Variants in CCSER2 observed in about 807,000 individuals in gnomAD.
CCSER2 encodes the protein coiled-coil serine rich protein 2, also known as serine-rich coiled-coil domain-containing protein 2.
CCSER2 carries 46 observed loss-of-function variants against 92.3 expected under a neutral mutation model. The ratio of observed to expected loss-of-function variants is 0.50; its 90% CI spans 0.39 to 0.64. The LOEUF is 0.64. Among genes scored for constraint, CCSER2 ranks in the 30% least tolerant of loss-of-function variants. The pLI is 0.00. For synonymous variants in CCSER2, 433 were observed against 431.4 expected (o/e 1.00, Z -0.04); for missense variants, 1,244 against 1,238.9 (o/e 1.00, Z -0.06).
intron 9 of CCSER2, among the ~76,000 whole-genome samples, chr10:84,503,881 G>A (rs1167305120): frequency 1.3e-5 from 2 of 152,152 alleles, no homozygotes; most frequent in Admixed American, 1.3e-4. Flanking sequence ...ATTATATTAA[G>A]AATGACAAAT....
chr10:84,494,424 T>C (rs1268850118), intron 9 of CCSER2, among the ~76,000 whole-genome samples: 1 of 152,190 alleles, frequency 6.6e-6, no homozygotes, highest in African/African-American at 2.4e-5. Context: ...TGAACTGTTA[T>C]CTTAATGCCA....
chr10:84,513,607 G>T lies in CCSER2; in HGVS notation c.2484G>T (p.Leu828Phe), dbSNP rs771724874. Residue 828 changes from leucine to phenylalanine, a missense_variant, in exon 10 of 10, where the codon TTG (leucine) becomes TTT (phenylalanine). Physicochemically the swap from Leu to Phe is conservative, Grantham distance 22 (BLOSUM62 0). Coordinates refer to ENST00000372088, the MANE Select transcript of CCSER2 (RefSeq NM_001284240.2). Reference sequence around the variant, plus strand: ...CGGAAGAAAGCTTTACACACGTCTTGCACCAAGAAAGCAACTATGGTTTGG... The same window carrying T: ...CGGAAGAAAGCTTTACACACGTCTTTCACCAAGAAAGCAACTATGGTTTGG... ...AHPEESFTHV[L>F]HQESNYGLEE... The T allele has an allele frequency of 5.6e-6, 9 of 1,612,114 alleles. No individual in the cohort carries two copies. The highest frequency in any genetic ancestry group is 7.6e-6 in the Non-Finnish European group (9 of 1,179,398).
intron 3 of CCSER2, among the ~76,000 whole-genome samples, chr10:84,404,961 G>C (rs1019652671): frequency 6.6e-6 from 1 of 152,170 alleles, no homozygotes; most frequent in African/African-American, 2.4e-5. Context: ...TCAGTGTAGT[G>C]AAGACATCAC....
At chr10:84,358,661 C>CATAT (rs1180094564) in intron 1 of CCSER2, among the ~76,000 whole-genome samples, 13 of 146,124 alleles carry the variant, frequency 8.9e-5, no homozygotes, top group Admixed American at 3.5e-4. Context: ...TATATATATA[C>CATAT]ATATACATAT....
At chr10:84,466,649 C>T (rs1340566898) in intron 7 of CCSER2, among the ~76,000 whole-genome samples, 11 of 151,114 alleles carry the variant, frequency 7.3e-5, no homozygotes, top group South Asian at 4.2e-4. Flanking sequence ...GGACTACAGG[C>T]GCCCGCCGCC....
At chr10:84,433,566 T>C (rs1843919459) in intron 5 of CCSER2, among the ~76,000 whole-genome samples, 1 of 152,148 alleles carries the variant, frequency 6.6e-6, no homozygotes, top group African/African-American at 2.4e-5. Context: ...AGAAGTTCTG[T>C]TGGGAGTGGG....
At chr10:84,413,065 A>G (rs1042372982) in intron 3 of CCSER2, among the ~76,000 whole-genome samples, 1 of 140,860 alleles carries the variant, frequency 7.1e-6, no homozygotes, top group African/African-American at 2.6e-5. Context: ...CTAGTTGTCT[A>G]TTTTATTAAT....
At chr10:84,506,529 C>T (rs935340726) in intron 9 of CCSER2, among the ~76,000 whole-genome samples, 19 of 151,936 alleles carry the variant, frequency 1.3e-4, no homozygotes, top group African/African-American at 4.3e-4. Flanking sequence ...CGTGGTGGCT[C>T]ACGCCTGTGA....
chr10:84,356,729 T>C (rs924997677), intron 1 of CCSER2, among the ~76,000 whole-genome samples: 1 of 152,134 alleles, frequency 6.6e-6, no homozygotes, highest in Non-Finnish European at 1.5e-5. Context: ...AAAAAATCAA[T>C]ATCATGCATT....
At chr10:84,347,454 G>T (rs1844566381) in intron 1 of CCSER2, among the ~76,000 whole-genome samples, 1 of 150,356 alleles carries the variant, frequency 6.7e-6, no homozygotes, top group Admixed American at 6.6e-5. Context: ...TGGCCGGGCG[G>T]GGGCTGACCC....
intron 7 of CCSER2, 106 bp from the exon 8 acceptor site, chr10:84,470,266 C>G (rs1342077051): frequency 1.8e-6 from 1 of 569,618 alleles, no homozygotes; most frequent in East Asian, 5.1e-5. Context: ...GGATTTCCCC[C>G]CTAAATGACC....
In CCSER2 at chr10:84,513,539, A is replaced by G. The variant is rs1190656441; in HGVS notation, c.2416A>G (p.Ser806Gly). Residue 806 changes from serine (S) to glycine (G), a missense_variant, in exon 10 of 10, where the codon AGT becomes GGT. Coordinates refer to ENST00000372088, the MANE Select transcript of CCSER2 (RefSeq NM_001284240.2). ...LIKPQRIEAR[S>G]ECSIQDMHQG... is the part of the protein sequence containing the mutation. ...AAAGCCACAACGTATCGAGGCCCGC[A>G]GTGAATGCTCAATCCAAGACATGCA... 1.9e-6 allele frequency: 3 copies of G among 1,614,058 alleles called. No homozygotes were observed. The East Asian group carries it at 6.7e-5, about 36-fold the overall frequency.
intron 3 of CCSER2, among the ~76,000 whole-genome samples, chr10:84,400,485 C>A (rs1162006925): frequency 6.6e-6 from 1 of 151,950 alleles, no homozygotes; most frequent in Non-Finnish European, 1.5e-5. Flanking sequence ...TTGTTTTTTT[C>A]CTGAGAGTTT....
intron 1 of CCSER2, among the ~76,000 whole-genome samples, chr10:84,360,460 T>C (rs1204421582): frequency 6.6e-6 from 1 of 152,250 alleles, no homozygotes; most frequent in African/African-American, 2.4e-5. Flanking sequence ...AGGCTTATTT[T>C]TACTATTTAT....
intron 1 of CCSER2, among the ~76,000 whole-genome samples, chr10:84,370,785 T>A (rs1358349448): frequency 1.3e-5 from 2 of 152,204 alleles, no homozygotes; most frequent in Non-Finnish European, 2.9e-5. Flanking sequence ...GATTTTGCTG[T>A]CATTCATAGC....
At chr10:84,464,422 TGTGA>T (rs750680302) in intron 7 of CCSER2, among the ~76,000 whole-genome samples, 15 of 94,430 alleles carry the variant, frequency 1.6e-4, no homozygotes, top group East Asian at 3.3e-4. Flanking sequence ...GATGTATTTT[TGTGA>T]GTGAAAGTGT....
chr10:84,427,417 C>A (rs1843495504), intron 5 of CCSER2, among the ~76,000 whole-genome samples: 1 of 152,200 alleles, frequency 6.6e-6, no homozygotes. Context: ...CTATTAATTT[C>A]TCTCTGTGCC....
At chr10:84,409,805 T>G (rs1842558784) in intron 3 of CCSER2, among the ~76,000 whole-genome samples, 1 of 152,222 alleles carries the variant, frequency 6.6e-6, no homozygotes, top group African/African-American at 2.4e-5. Flanking sequence ...CATGCAGGTT[T>G]CTTACACATG....
At chr10:84,398,154 C>G (rs898794520) in intron 3 of CCSER2, among the ~76,000 whole-genome samples, 2 of 152,164 alleles carry the variant, frequency 1.3e-5, no homozygotes, top group African/African-American at 4.8e-5. Context: ...GAATCCATTT[C>G]CCTGTCTTTT....
Sources: gnomAD v4.1 joint callset for allele counts (sites outside exome capture counted in the v4.1 genomes callset) on GRCh38, gnomAD v4.1.1 for gene constraint, MANE v1.5 for transcripts, NCBI Gene and HGNC (gene_info 2026-07-23, HGNC 2026-07-21) for gene names.